PITPNM3: variants seen among roughly 807,000 people sequenced by gnomAD.
PITPNM3 encodes the protein membrane-associated phosphatidylinositol transfer protein 3.
In PITPNM3, 26 loss-of-function variants were observed where a neutral mutation model predicts 102.0. The ratio of observed to expected loss-of-function variants is 0.25; its 90% CI spans 0.19 to 0.35. The LOEUF (loss-of-function observed/expected upper bound fraction) is 0.35. PITPNM3 is among the 10% of genes least tolerant of loss of function. The pLI is 1.00. For missense variants in PITPNM3, 1,083 were observed against 1,346.1 expected (o/e 0.80, Z 3.06); for synonymous variants, 578 against 558.6 (o/e 1.03, Z -0.49).
chr17:6,474,078 G>C (rs1011519817), intron 10 of PITPNM3, among the ~76,000 whole-genome samples: 1 of 151,878 alleles, frequency 6.6e-6, no homozygotes, highest in East Asian at 1.9e-4. Context: ...CAACCTGGCA[G>C]TCGTATCTGC....
At chr17:6,523,816 T>C (rs1014371063) in intron 3 of PITPNM3, among the ~76,000 whole-genome samples, 1 of 152,194 alleles carries the variant, frequency 6.6e-6, no homozygotes, top group Non-Finnish European at 1.5e-5. Context: ...CCCCCCCTTC[T>C]CGTGGATGGG....
chr17:6,537,914 C>T lies in PITPNM3; in HGVS notation c.118+73G>A, dbSNP rs1223294735. Reference sequence around the variant, plus strand: ...TCTGAGTGGGGAGGGATGCGGACCCCCAAATGGGATCTTCTTCTTGAGGCT... The same window carrying T: ...TCTGAGTGGGGAGGGATGCGGACCCTCAAATGGGATCTTCTTCTTGAGGCT... On this transcript the variant is annotated intron_variant, in intron 2 of 19. Transcript: ENST00000262483. The surrounding 1 kb of genome is among the most constrained non-coding windows in gnomAD (Gnocchi z 4.4). 3.8e-6 allele frequency: 5 copies of T among 1,305,288 alleles called. No homozygotes were observed. In the East Asian group the frequency reaches 1.2e-4, roughly 31 times the overall value. The allele number at this position is 1,305,288 out of a possible 1,614,324, so 80.9% of individuals were successfully genotyped here. A position where few individuals can be genotyped will look rare whatever the true frequency, so the allele number is the denominator to read the frequency against.
Position 6,478,003 on chromosome 17 carries a change from C to T in PITPNM3, c.872G>A (p.Ser291Asn). Residue 291 changes from serine (S) to asparagine (N), a missense_variant, in exon 8 of 20, where the codon AGC (serine) becomes AAC (asparagine). This residue lies in a region of PITPNM3 where 172 missense variants were observed against 175.6 expected (regional missense o/e 0.98). Coordinates refer to ENST00000262483, the MANE Select transcript of PITPNM3 (RefSeq NM_031220.4). The surrounding 1 kb of genome is among the most constrained non-coding windows in gnomAD (Gnocchi z 4.4). The part of the protein sequence containing the change: ...GPSGDSPASS[S>N]RKGSISSTQD... ...GGTGCTGCTGATGCTCCCCTTCCGG[C>T]TGCTGCTGGCAGGGCTGTCCCCTGA... The T allele has an allele frequency of 6.2e-7, 1 of 1,613,500 alleles. No homozygotes were observed. The highest frequency in any genetic ancestry group is 8.5e-7 in the Non-Finnish European group (1 of 1,180,040).
At chr17:6,481,662 G>A (rs1905676900) in intron 6 of PITPNM3, 1 of 151,916 alleles carries the variant, frequency 6.6e-6, no homozygotes, top group Non-Finnish European at 1.5e-5. Flanking sequence ...CTTTCTCAGA[G>A]AGCCCACAGT....
Position 6,469,401 on chromosome 17 carries a change from C to A in PITPNM3, c.1773+859G>T, listed in dbSNP as rs1458746662. Among the ~76,000 whole-genome samples, 1 of 151,838 alleles carries A rather than the reference C, an allele frequency of 6.6e-6. No homozygotes were observed. The highest frequency in any genetic ancestry group is 2.4e-5 in the African/African-American group (1 of 41,320). On this transcript the variant is annotated intron_variant, in intron 13 of 19. Transcript: ENST00000262483. The surrounding 1 kb of genome is among the most constrained non-coding windows in gnomAD (Gnocchi z 4.0). ...GGCTGGGGACCCACCCCCAGCCCAG[C>A]ACACTCTCTCCCACCCCCAAGAACC...
intron 2 of PITPNM3, among the ~76,000 whole-genome samples, chr17:6,532,932 G>A (rs1909218431): frequency 6.6e-6 from 1 of 152,144 alleles, no homozygotes; most frequent in Non-Finnish European, 1.5e-5. Context: ...AGCCGAGTTT[G>A]AAAGTCCCAG....
At chr17:6,475,486 T>G (rs1905262401) in intron 9 of PITPNM3, among the ~76,000 whole-genome samples, 1 of 152,174 alleles carries the variant, frequency 6.6e-6, no homozygotes, top group African/African-American at 2.4e-5. Flanking sequence ...AAAGAGCTAT[T>G]GAAATCATGT....
In PITPNM3 at chr17:6,461,517, C is replaced by T. The variant is rs1904453629; in HGVS notation, c.2346G>A (p.Thr782=). The change falls in exon 18 of 20, where the codon ACG becomes ACA. Residue 782 remains threonine (T), a synonymous_variant. Coordinates refer to ENST00000262483, the MANE Select transcript of PITPNM3 (RefSeq NM_031220.4). ...QDLGYMILYI[T]GRPDMQKQRV... is the part of the protein sequence containing the mutation. Reference sequence around the variant, plus strand: ...GCTGCTTCTGCATGTCCGGCCGTCCCGTGATGTAAAGGATCATGTAGCCCA... The same window carrying T: ...GCTGCTTCTGCATGTCCGGCCGTCCTGTGATGTAAAGGATCATGTAGCCCA... 1 of 1,614,220 alleles carries T rather than the reference C, an allele frequency of 6.2e-7. No homozygotes were observed. The highest frequency in any genetic ancestry group is 8.5e-7 in the Non-Finnish European group (1 of 1,180,032).
chr17:6,455,988 G>C (rs1914099758), intron 19 of PITPNM3, among the ~76,000 whole-genome samples: 1 of 151,846 alleles, frequency 6.6e-6, no homozygotes, highest in South Asian at 2.1e-4. Flanking sequence ...GGTCACACCA[G>C]AGTTCTCTGG....
In PITPNM3 at chr17:6,459,498, C is replaced by T. The variant is rs145524218; in HGVS notation, c.2491-1776G>A. Among the ~76,000 whole-genome samples, 716 of 152,194 alleles carry T rather than the reference C, an allele frequency of 4.7e-3. 5 individuals carry two copies. Among genetic ancestry groups the T allele is most frequent in the African/African-American group, 0.016 (662 of 41,526 alleles). The stretch of plus-strand genomic sequence containing the variant: ...TGATCCGTCTCATGCATCTGTTTCC[C>T]AGTCTCCACCTGCAGCCCAGAACTA... On this transcript the variant is annotated intron_variant, in intron 18 of 19. Coordinates refer to ENST00000262483, the MANE Select transcript of PITPNM3 (RefSeq NM_031220.4). This position sits in a 1 kb window ranked among gnomAD's most constrained non-coding sequence, Gnocchi z 5.0.
In PITPNM3 at chr17:6,556,343, TC is replaced by T. The variant is rs1409086107; in HGVS notation, c.22+41del. 1.5e-5 allele frequency: 21 copies of T among 1,387,670 alleles called. No individual in the cohort carries two copies. Among genetic ancestry groups the T allele is most frequent in the South Asian group, 5.9e-5 (4 of 67,844 alleles). The allele number at this position is 1,387,670 out of a possible 1,614,324, so 86.0% of individuals were successfully genotyped here. A position where few individuals can be genotyped will look rare whatever the true frequency, so the allele number is the denominator to read the frequency against. On this transcript the variant is annotated intron_variant, in intron 1 of 19. Coordinates refer to ENST00000262483, the MANE Select transcript of PITPNM3 (RefSeq NM_031220.4). The surrounding 1 kb of genome is among the most constrained non-coding windows in gnomAD (Gnocchi z 5.2). ...CCCCTCCTCTAGACGCGCGAGTCCC[TC>T]CCCCGGGCCCCGGCCCTGCCCTCCC... is the stretch of plus-strand genomic sequence containing the variant.
chr17:6,452,056 A>G lies in PITPNM3; in HGVS notation c.*3282T>C, dbSNP rs1913873308. On this transcript the variant is annotated 3_prime_UTR_variant, in exon 20 of 20. Transcript: ENST00000262483. ...TCCCAAAGGGGTAAAAATACAGTTTAAAAACCGTGAGATCCAGCCTCGCCT... is the reference window on the plus strand; with the variant it reads ...TCCCAAAGGGGTAAAAATACAGTTTGAAAACCGTGAGATCCAGCCTCGCCT... 1 of 152,172 alleles carries G rather than the reference A, an allele frequency of 6.6e-6. No homozygotes were observed. The highest frequency in any genetic ancestry group is 1.5e-5 in the Non-Finnish European group (1 of 68,036). 9.4% of individuals were successfully genotyped at this position (152,172 alleles called of 1,614,324 possible).
At chr17:6,495,148 T>C (rs577045670) in intron 4 of PITPNM3, among the ~76,000 whole-genome samples, 2 of 152,226 alleles carry the variant, frequency 1.3e-5, no homozygotes, top group Admixed American at 6.5e-5. Context: ...AAGCCAGTTA[T>C]AATCTTTTCT....
intron 2 of PITPNM3, among the ~76,000 whole-genome samples, chr17:6,528,957 G>A (rs1349053063): frequency 1.3e-5 from 2 of 152,226 alleles, no homozygotes; most frequent in African/African-American, 2.4e-5. Flanking sequence ...ACCTGTGGAG[G>A]CCACAGCGTG....
intron 1 of PITPNM3, among the ~76,000 whole-genome samples, chr17:6,550,114 A>C (rs1228002575): frequency 1.3e-5 from 2 of 152,240 alleles, no homozygotes; most frequent in East Asian, 1.9e-4. Flanking sequence ...ACAGATAAGG[A>C]AACTGAGGCC....
At chr17:6,554,978 C>A (rs1334479867) in intron 1 of PITPNM3, among the ~76,000 whole-genome samples, 1 of 152,218 alleles carries the variant, frequency 6.6e-6, no homozygotes, top group East Asian at 1.9e-4. Flanking sequence ...TGCACACACA[C>A]ACTCACACAC....
intron 9 of PITPNM3, among the ~76,000 whole-genome samples, 194 bp from the exon 10 acceptor site, chr17:6,474,798 C>T: frequency 6.6e-6 from 1 of 152,242 alleles, no homozygotes; most frequent in Non-Finnish European, 1.5e-5. Flanking sequence ...TGATATTTGG[C>T]TAGAAAAGGA....
At chr17:6,525,144 G>A (rs1211184570) in intron 3 of PITPNM3, among the ~76,000 whole-genome samples, 1 of 152,196 alleles carries the variant, frequency 6.6e-6, no homozygotes, top group African/African-American at 2.4e-5. Flanking sequence ...CTCTGTTGAA[G>A]TAGGCTGGAG....
chr17:6,453,798 G>A lies in PITPNM3; in HGVS notation c.*1540C>T, dbSNP rs1312719272. The A allele has an allele frequency of 6.6e-6, 1 of 152,498 alleles. No homozygotes were observed. Among genetic ancestry groups the A allele is most frequent in the Admixed American group, 6.5e-5 (1 of 15,292 alleles). 9.4% of individuals were successfully genotyped at this position (152,498 alleles called of 1,614,324 possible). On this transcript the variant is annotated 3_prime_UTR_variant, in exon 20 of 20. Coordinates refer to ENST00000262483, the MANE Select transcript of PITPNM3 (RefSeq NM_031220.4). ...GTGCCTGCTGTGTATACAGACGTCT[G>A]GGCCCTGGGGCAGCCTGGCTGAAAT...
Sources: gnomAD v4.1 joint callset for allele counts (sites outside exome capture counted in the v4.1 genomes callset) on GRCh38, gnomAD v4.1.1 for gene constraint, gnomAD v4.1.1 regional missense constraint, Gnocchi (gnomAD v3.1) non-coding constraint, MANE v1.5 for transcripts, NCBI Gene and HGNC (gene_info 2026-07-23, HGNC 2026-07-21) for gene names.